Variants in NCAM1 observed in about 807,000 individuals in gnomAD.
The protein encoded by NCAM1 is antigen recognized by monoclonal antibody 5.1H11.
Under a neutral mutation model 109.8 loss-of-function variants are expected in NCAM1, and 14 were observed. That is an observed-to-expected ratio of 0.13 (90% CI 0.08 to 0.20). The LOEUF is 0.20. Among genes scored for constraint, NCAM1 ranks in the 10% least tolerant of loss-of-function variants. NCAM1 has a pLI of 1.00. For missense variants in NCAM1, 774 were observed against 1,109.9 expected (o/e 0.70, Z 4.30); for synonymous variants, 418 against 442.9 (o/e 0.94, Z 0.70).
intron 1 of NCAM1, among the ~76,000 whole-genome samples, chr11:113,116,544 T>C (rs1940717808): frequency 6.6e-6 from 1 of 152,240 alleles, no homozygotes; most frequent in Non-Finnish European, 1.5e-5. Flanking sequence ...ATCAAACAAC[T>C]GGAATCATTT....
chr11:112,979,818 A>G (rs535388901), intron 1 of NCAM1, among the ~76,000 whole-genome samples: 6 of 151,934 alleles, frequency 3.9e-5, no homozygotes, highest in African/African-American at 1.4e-4. Context: ...TACTTCATTT[A>G]AATTTGAACC....
chr11:112,975,934 G>A (rs1179186445), intron 1 of NCAM1, among the ~76,000 whole-genome samples: 1 of 151,848 alleles, frequency 6.6e-6, no homozygotes, highest in Non-Finnish European at 1.5e-5. Flanking sequence ...GGCATTTAAG[G>A]GTAGTTTTGT....
At chr11:113,246,020 C>T in intron 14 of NCAM1, 1 of 314,126 alleles carries the variant, frequency 3.2e-6, no homozygotes, top group Non-Finnish European at 5.8e-6. Context: ...TTACATGCTC[C>T]TGATGTGGTA....
chr11:113,169,671 A>G (rs1487329731), intron 1 of NCAM1, among the ~76,000 whole-genome samples: 2 of 140,184 alleles, frequency 1.4e-5, no homozygotes, highest in African/African-American at 5.4e-5. Context: ...TCTGTCACCC[A>G]GGCTGGAGTG....
At chr11:112,997,267 C>A in intron 1 of NCAM1, among the ~76,000 whole-genome samples, 1 of 152,146 alleles carries the variant, frequency 6.6e-6, no homozygotes, top group East Asian at 1.9e-4. Flanking sequence ...TAAAAGGCTA[C>A]TTTATTTCCA....
intron 1 of NCAM1, among the ~76,000 whole-genome samples, chr11:113,118,998 T>G (rs1436111): frequency 0.57 from 86,422 of 151,628 alleles, 25,207 homozygotes; most frequent in African/African-American, 0.62. Flanking sequence ...TTCAAATTAA[T>G]AGAAGAACAT....
intron 1 of NCAM1, among the ~76,000 whole-genome samples, chr11:113,024,081 A>T (rs1414208103): frequency 6.6e-6 from 1 of 152,104 alleles, no homozygotes; most frequent in African/African-American, 2.4e-5. Context: ...GGTAACACTT[A>T]CTCAGCTTGA....
chr11:113,257,934 T>C (rs1945873159), intron 16 of NCAM1, among the ~76,000 whole-genome samples: 1 of 152,234 alleles, frequency 6.6e-6, no homozygotes, highest in Non-Finnish European at 1.5e-5. Flanking sequence ...AGAATTCCCC[T>C]TCCAGCACCA....
intron 1 of NCAM1, among the ~76,000 whole-genome samples, chr11:113,152,604 C>T (rs117502277): frequency 2.6e-5 from 4 of 152,220 alleles, no homozygotes; most frequent in Non-Finnish European, 5.9e-5. Flanking sequence ...TATTCATGCT[C>T]TTTATGAAAT....
chr11:113,177,302 T>G (rs1943186791), intron 1 of NCAM1, among the ~76,000 whole-genome samples: 1 of 152,176 alleles, frequency 6.6e-6, no homozygotes, highest in Non-Finnish European at 1.5e-5. Context: ...CCAATCATGC[T>G]AGGATGCTGC....
At chr11:113,265,565 G>A (rs548817321) in intron 17 of NCAM1, among the ~76,000 whole-genome samples, 1 of 152,330 alleles carries the variant, frequency 6.6e-6, no homozygotes. Flanking sequence ...TGCACAGAGT[G>A]AGCTTGTGGA....
chr11:113,022,323 C>T (rs781896073), intron 1 of NCAM1, among the ~76,000 whole-genome samples: 2 of 152,178 alleles, frequency 1.3e-5, no homozygotes, highest in South Asian at 4.1e-4. Flanking sequence ...TTCTGAACAG[C>T]ACCATCAGAG....
chr11:113,205,440 A>G (rs1944207915), intron 3 of NCAM1, 83 bp from the exon 4 acceptor site: 5 of 1,508,246 alleles, frequency 3.3e-6, no homozygotes, highest in Admixed American at 2.1e-5. Flanking sequence ...CCAGGACTCA[A>G]GTCCAGGTAC....
intron 1 of NCAM1, among the ~76,000 whole-genome samples, chr11:113,000,847 T>TATATATAC (rs1306306918): frequency 7.0e-5 from 8 of 113,578 alleles, no homozygotes; most frequent in African/African-American, 2.5e-4. Flanking sequence ...TATATATATA[T>TATATATAC]ACACAAAAAA....
chr11:113,031,902 G>T (rs1952732964), intron 1 of NCAM1, among the ~76,000 whole-genome samples: 1 of 152,006 alleles, frequency 6.6e-6, no homozygotes, highest in Non-Finnish European at 1.5e-5. Flanking sequence ...AAATAATGAG[G>T]AATGACTTTA....
chr11:113,120,858 G>A (rs1376614170), intron 1 of NCAM1, among the ~76,000 whole-genome samples: 1 of 152,190 alleles, frequency 6.6e-6, no homozygotes. Flanking sequence ...GGCAGCGAGG[G>A]CTGTAAATGA....
chr11:113,274,057 C>A lies in NCAM1; in HGVS notation c.2457-1210C>A, dbSNP rs2137809893. On this transcript the variant is annotated intron_variant, in intron 19 of 19. Transcript: ENST00000316851. The surrounding 1 kb of genome is among the most constrained non-coding windows in gnomAD (Gnocchi z 4.1). The stretch of plus-strand genomic sequence containing the variant: ...TGATGAGAATAGCTTGGGAAGCAGG[C>A]TAAGAAGGCCAAGGTGCCCTTATCA... 6.6e-6 allele frequency among the ~76,000 whole-genome samples: 1 copy of A among 152,332 alleles called. No homozygotes were observed. Among genetic ancestry groups the A allele is most frequent in the South Asian group, 2.1e-4 (1 of 4,830 alleles).
At chr11:113,104,941 G>C (rs1555092252) in intron 1 of NCAM1, among the ~76,000 whole-genome samples, 1 of 152,184 alleles carries the variant, frequency 6.6e-6, no homozygotes, top group African/African-American at 2.4e-5. Flanking sequence ...TAACTTCTCT[G>C]TTTATTTGAA....
chr11:113,191,566 C>G (rs1943674165), intron 1 of NCAM1, among the ~76,000 whole-genome samples: 1 of 152,152 alleles, frequency 6.6e-6, no homozygotes, highest in South Asian at 2.1e-4. Context: ...AGCCTTGTGG[C>G]CTTGGGCTGG....
Sources: allele counts gnomAD v4.1 joint callset (sites outside exome capture counted in the v4.1 genomes callset), GRCh38; gene constraint gnomAD v4.1.1; non-coding constraint Gnocchi (gnomAD v3.1); transcripts MANE v1.5; gene names NCBI Gene and HGNC (gene_info 2026-07-23, HGNC 2026-07-21).